The following XRCC5 variants were observed in gnomAD, a reference collection of about 807,000 sequenced individuals.
XRCC5 encodes the protein X-ray repair cross complementing 5.
In XRCC5, 12 loss-of-function variants were observed where a neutral mutation model predicts 95.7. The observed-to-expected ratio is 0.13, with a 90% CI of 0.08 to 0.20. The LOEUF (loss-of-function observed/expected upper bound fraction) is 0.20. Among genes scored for constraint, XRCC5 ranks in the 10% least tolerant of loss-of-function variants. The probability of loss-of-function intolerance (pLI) is 1.00; values close to 1 mark genes in which losing one functional copy is unlikely to be tolerated. For synonymous variants in XRCC5, 281 were observed against 290.3 expected (o/e 0.97, Z 0.33); for missense variants, 595 against 873.9 (o/e 0.68, Z 4.02).
At chr2:216,156,146 T>G (rs1266094837) in intron 14 of XRCC5, among the ~76,000 whole-genome samples, 1 of 152,232 alleles carries the variant, frequency 6.6e-6, no homozygotes, top group Non-Finnish European at 1.5e-5. Flanking sequence ...CATACAGATT[T>G]CACAGCTTTT....
intron 19 of XRCC5, among the ~76,000 whole-genome samples, chr2:216,201,900 T>C (rs1414148068): frequency 2.0e-5 from 3 of 152,208 alleles, no homozygotes; most frequent in Admixed American, 6.5e-5. Flanking sequence ...GGAAGGATAA[T>C]GGATGGCAGC....
chr2:216,205,124 A>T, intron 20 of XRCC5, 64 bp from the exon 21 acceptor site: 6 of 1,598,898 alleles, frequency 3.8e-6, no homozygotes, highest in Non-Finnish European at 5.1e-6. Context: ...ACCCTCTCTC[A>T]CCAGAGAAGC....
intron 14 of XRCC5, chr2:216,156,607 AC>A (rs1688847417): frequency 5.2e-6 from 3 of 572,206 alleles, no homozygotes; most frequent in South Asian, 4.2e-5. Context: ...GAAGACCTGG[AC>A]TTAACTTCTT....
At position 216,160,048 on chromosome 2, in the gene XRCC5, ATT is replaced by A; in HGVS notation, c.1671-11_1671-10del. The A allele has an allele frequency of 1.4e-6, 2 of 1,432,692 alleles. No individual in the cohort carries two copies. Among genetic ancestry groups the A allele is most frequent in the Admixed American group, 2.0e-5 (1 of 49,192 alleles). 88.7% of individuals were successfully genotyped at this position (1,432,692 alleles called of 1,614,324 possible). A position where few individuals can be genotyped will look rare whatever the true frequency, so the allele number is the denominator to read the frequency against. ...TTTTGTATTGTTTGTTCTAAGAGAA[ATT>A]TTTTTTTTCTTTTCTAGCCATGAAG... On this transcript the variant is annotated intron_variant, in intron 14 of 20. Transcript: ENST00000392132.
chr2:216,150,353 C>A (rs1207632418), intron 14 of XRCC5, among the ~76,000 whole-genome samples: 1 of 152,134 alleles, frequency 6.6e-6, no homozygotes, highest in African/African-American at 2.4e-5. Context: ...TCAAGAGATA[C>A]TATAACAATG....
At chr2:216,125,096 G>C (rs1413038444) in intron 6 of XRCC5, among the ~76,000 whole-genome samples, 1 of 151,678 alleles carries the variant, frequency 6.6e-6, no homozygotes, top group Non-Finnish European at 1.5e-5. Context: ...TTAATATTCA[G>C]AATTGGAATT....
chr2:216,156,016 G>T (rs935144240), intron 14 of XRCC5, among the ~76,000 whole-genome samples: 14 of 152,146 alleles, frequency 9.2e-5, no homozygotes, highest in African/African-American at 3.1e-4. Context: ...ACGAAGAAGC[G>T]AAGACACTAA....
chr2:216,149,828 G>A (rs777186055), intron 14 of XRCC5, among the ~76,000 whole-genome samples: 2 of 152,170 alleles, frequency 1.3e-5, no homozygotes, highest in Admixed American at 6.5e-5. Context: ...AAGCTTGGGT[G>A]TGCTGAGCTT....
chr2:216,137,018 A>C, intron 10 of XRCC5, 70 bp from the exon 11 acceptor site: 1 of 1,534,398 alleles, frequency 6.5e-7, no homozygotes. Context: ...AACAGTCTTA[A>C]AGTATTGAGT....
intron 8 of XRCC5, 90 bp from the exon 9 acceptor site, chr2:216,130,785 G>A (rs1038492867): frequency 8.6e-5 from 64 of 744,866 alleles, no homozygotes; most frequent in Non-Finnish European, 1.1e-4. Context: ...TGGCGTGTGC[G>A]TGTGTTGTTA....
At chr2:216,121,041 T>C (rs1311611475) in intron 5 of XRCC5, among the ~76,000 whole-genome samples, 1 of 152,186 alleles carries the variant, frequency 6.6e-6, no homozygotes, top group African/African-American at 2.4e-5. Context: ...TGGCACAGTT[T>C]TTAGTTTCTT....
chr2:216,201,830 T>C (rs562173843), intron 19 of XRCC5, among the ~76,000 whole-genome samples: 2 of 152,246 alleles, frequency 1.3e-5, no homozygotes, highest in African/African-American at 4.8e-5. Flanking sequence ...TTACTTGCAG[T>C]TACAAACATT....
intron 10 of XRCC5, among the ~76,000 whole-genome samples, chr2:216,133,717 G>T (rs1242437422): frequency 2.0e-5 from 3 of 152,302 alleles, no homozygotes; most frequent in South Asian, 4.1e-4. Context: ...AAGAAAAACA[G>T]ATTTATCTCC....
chr2:216,122,361 G>T, intron 6 of XRCC5, 108 bp downstream of exon 6: 1 of 1,023,082 alleles, frequency 9.8e-7, no homozygotes, highest in African/African-American at 1.6e-5. Flanking sequence ...TCTCTAATTA[G>T]TCATTGCTTA....
intron 4 of XRCC5, 143 bp from the exon 5 acceptor site, chr2:216,118,900 T>G (rs1574452075): frequency 1.2e-6 from 1 of 866,232 alleles, no homozygotes; most frequent in East Asian, 2.5e-5. Context: ...TAATAAGAAC[T>G]TAATTGGACT....
chr2:216,146,938 A>G (rs770847704), intron 13 of XRCC5, among the ~76,000 whole-genome samples: 20 of 152,234 alleles, frequency 1.3e-4, no homozygotes, highest in Non-Finnish European at 2.8e-4. Flanking sequence ...CTTAGAATTC[A>G]TTCAGCAGTA....
intron 16 of XRCC5, among the ~76,000 whole-genome samples, chr2:216,166,478 T>G (rs919069335): frequency 6.6e-6 from 1 of 152,118 alleles, no homozygotes; most frequent in Non-Finnish European, 1.5e-5. Flanking sequence ...GTTATGAAAG[T>G]AGGGTTGTTT....
rs55691905 is a variant in XRCC5, at chr2:216,115,810, AT to A, written c.136-839del. 8.5e-4 allele frequency among the ~76,000 whole-genome samples: 128 copies of A among 150,202 alleles called. 1 individual carries two copies. The highest frequency in any genetic ancestry group is 3.4e-3 in the Middle Eastern group (1 of 290). On this transcript the variant is annotated intron_variant, in intron 2 of 20. Transcript: ENST00000392132. ...AATCCTAATGTTTCATATTTGTTTG[AT>A]TTTTTTTTTAATAAAGTGTTACAGA... is the stretch of plus-strand genomic sequence containing the variant.
At chr2:216,162,506 A>G (rs1413918533) in intron 16 of XRCC5, among the ~76,000 whole-genome samples, 1 of 151,188 alleles carries the variant, frequency 6.6e-6, no homozygotes, top group East Asian at 1.9e-4. Context: ...AGTTGAAGCG[A>G]TTCTCCTACC....
Sources: allele counts gnomAD v4.1 joint callset (sites outside exome capture counted in the v4.1 genomes callset), GRCh38; gene constraint gnomAD v4.1.1; transcripts MANE v1.5; gene names NCBI Gene and HGNC (gene_info 2026-07-23, HGNC 2026-07-21).